Variants in MICALL2 observed in about 807,000 individuals in gnomAD.
MICALL2 encodes the protein MICAL-like protein 2.
In MICALL2, 111 loss-of-function variants were observed where a neutral mutation model predicts 91.1. The observed-to-expected ratio is 1.22, with a 90% confidence interval of 1.04 to 1.43. The LOEUF is 1.43. Among genes scored for constraint, MICALL2 ranks in the 40% most tolerant of loss-of-function variants. MICALL2 has a pLI of 0.00. For synonymous variants in MICALL2, 694 were observed against 525.3 expected (o/e 1.32, Z -4.39); for missense variants, 1,556 against 1,236.0 (o/e 1.26, Z -3.88).
In MICALL2 at chr7:1,437,568, C is replaced by G; in HGVS notation, c.2443G>C (p.Glu815Gln). The G allele has an allele frequency of 1.3e-6, 2 of 1,535,144 alleles. No homozygotes were observed. The highest frequency in any genetic ancestry group is 1.7e-6 in the Non-Finnish European group (2 of 1,145,468). The stretch of plus-strand genomic sequence containing the variant: ...GCCATGAGCCGGCGCAGCTCGCCCT[C>G]GATGTCCAGCTGCTGCTCCTCCAGA... ...QRLEEQQLDI[E>Q]GELRRLMAKP... Residue 815 changes from glutamate to glutamine, a missense_variant, in exon 14 of 17, where the codon GAG becomes CAG. Transcript: ENST00000297508.
At position 1,438,219 on chromosome 7, in the gene MICALL2, A is replaced by T; in HGVS notation, c.2189T>A (p.Leu730Gln). The change falls in exon 12 of 17, where the codon CTG (leucine) becomes CAG (glutamine). Residue 730 changes from leucine (L) to glutamine (Q), a missense_variant and splice_region_variant. Leu to Gln is a moderately radical substitution (Grantham distance 113). Transcript: ENST00000297508. The part of the protein sequence containing the change: ...PGETVTSPVR[L>Q]HPDYLSPEEI... ...CTCCGGGGAGAGGTAGTCGGGGTGCAGCTGGGAACGGAGGGGCGGTGAGGA... is the reference window on the plus strand; with the variant it reads ...CTCCGGGGAGAGGTAGTCGGGGTGCTGCTGGGAACGGAGGGGCGGTGAGGA... 1 of 1,587,940 alleles carries T rather than the reference A, an allele frequency of 6.3e-7. No homozygotes were observed. Among genetic ancestry groups the T allele is most frequent in the Non-Finnish European group, 8.6e-7 (1 of 1,167,290 alleles).
chr7:1,453,815 G>C (rs1251179506), intron 1 of MICALL2, among the ~76,000 whole-genome samples: 1 of 152,212 alleles, frequency 6.6e-6, no homozygotes, highest in Non-Finnish European at 1.5e-5. Context: ...CCGTGGGCCA[G>C]GCACACAGTC....
At position 1,436,734 on chromosome 7, in the gene MICALL2, C is replaced by A; in HGVS notation, c.2591+8G>T. On this transcript the variant is annotated splice_region_variant and intron_variant, in intron 15 of 16. Coordinates refer to ENST00000297508, the MANE Select transcript of MICALL2 (RefSeq NM_182924.4). Reference sequence around the variant, plus strand: ...GGCTGGGAGGGGCCCCCGGCACCTGCCCCTCACCGGAGCCGGTCCTCGTCC... The same window carrying A: ...GGCTGGGAGGGGCCCCCGGCACCTGACCCTCACCGGAGCCGGTCCTCGTCC... The A allele has an allele frequency of 6.3e-7, 1 of 1,597,300 alleles. No individual in the cohort carries two copies. The highest frequency in any genetic ancestry group is 8.5e-7 in the Non-Finnish European group (1 of 1,173,292).
intron 3 of MICALL2, chr7:1,447,992 A>C (rs1780673991): frequency 3.2e-6 from 1 of 317,432 alleles, no homozygotes; most frequent in Non-Finnish European, 5.6e-6. Flanking sequence ...GGGAAAAGGG[A>C]CTTTTCTGTT....
At position 1,437,918 on chromosome 7, in the gene MICALL2, G is replaced by A; in HGVS notation, c.2374C>T (p.Leu792=). The A allele has an allele frequency of 7.1e-6, 11 of 1,549,392 alleles. No homozygotes were observed. Among genetic ancestry groups the A allele is most frequent in the East Asian group, 2.4e-5 (1 of 40,948 alleles). ...FWLIHEKQLL[L]RQESELMYKS... is the part of the protein sequence containing the mutation. ...TACATCAGCTCTGACTCCTGTCTCA[G>A]CAGAAGCTGCTTCTCGTGAATGAGC... The change falls in exon 13 of 17, where the codon CTG becomes TTG. Residue 792 remains leucine (L), a synonymous_variant. Transcript: ENST00000297508.
intron 15 of MICALL2, 96 bp from the exon 16 acceptor site, chr7:1,435,243 G>A: frequency 7.7e-7 from 1 of 1,302,660 alleles, no homozygotes. Context: ...CCCCAGCCCT[G>A]AGTCCCGCCT....
intron 16 of MICALL2, 138 bp downstream of exon 16, chr7:1,434,963 C>T: frequency 1.0e-6 from 1 of 968,672 alleles, no homozygotes. Context: ...GTCACCAAGG[C>T]TGAGGGGGGG....
At chr7:1,440,132 C>T (rs771580877) in intron 8 of MICALL2, 47 bp from the exon 9 acceptor site, 1 of 1,559,000 alleles carries the variant, frequency 6.4e-7, no homozygotes, top group African/African-American at 1.4e-5. Context: ...AGCCCCAGGG[C>T]CTGGCCCACC....
Position 1,438,187 on chromosome 7 carries a change from G to C in MICALL2, c.2221C>G (p.Gln741Glu). The C allele has an allele frequency of 2.5e-6, 4 of 1,576,706 alleles. No homozygotes were observed. The highest frequency in any genetic ancestry group is 3.4e-6 in the Non-Finnish European group (4 of 1,161,052). Residue 741 changes from glutamine (Q) to glutamate (E), a missense_variant, in exon 12 of 17, where the codon CAG (glutamine) becomes GAG (glutamate). Transcript: ENST00000297508. ...CTCTCGATGTCCTGCAGCTGCCTCT[G>C]TATCTCCTCCGGGGAGAGGTAGTCG... The part of the protein sequence containing the change: ...HPDYLSPEEI[Q>E]RQLQDIERRL...
chr7:1,451,409 G>A lies in MICALL2; in HGVS notation c.144-1121C>T, dbSNP rs957022185. ...AAGCCGGGTGCAGTGGCTCACACCT[G>A]TAGTCCCAGCTACTCAGGAGGCCAA... is the stretch of plus-strand genomic sequence containing the variant. On this transcript the variant is annotated intron_variant, in intron 1 of 16. Transcript: ENST00000297508. The surrounding 1 kb of genome is among the most constrained non-coding windows in gnomAD (Gnocchi z 4.5). Among the ~76,000 whole-genome samples, 2 of 152,188 alleles carry A rather than the reference G, an allele frequency of 1.3e-5. No individual in the cohort carries two copies. Among genetic ancestry groups the A allele is most frequent in the African/African-American group, 4.8e-5 (2 of 41,442 alleles).
chr7:1,455,919 C>T (rs1253168156), intron 1 of MICALL2, among the ~76,000 whole-genome samples: 1 of 152,008 alleles, frequency 6.6e-6, no homozygotes, highest in Non-Finnish European at 1.5e-5. Context: ...AGAGTCTGAC[C>T]TCAGAGCTGC....
intron 16 of MICALL2, chr7:1,434,882 G>C: frequency 1.4e-6 from 1 of 711,232 alleles, no homozygotes; most frequent in East Asian, 2.7e-5. Context: ...TGACCACACG[G>C]TCACCAGCTG....
At position 1,439,992 on chromosome 7, in the gene MICALL2, G is replaced by A. The variant is rs1780202379; in HGVS notation, c.1899C>T (p.His633=). ...CAGGCCTCACGGGGGTCAGGGTGAT[G>A]TGGACACTCCCAGCAAAGCTGCCTG... ...KVSGSFAGSV[H]ITLTPVRPDR... The change falls in exon 9 of 17, where the codon CAC becomes CAT. Residue 633 remains histidine, a synonymous_variant. Transcript: ENST00000297508. 1 of 1,547,230 alleles carries A rather than the reference G, an allele frequency of 6.5e-7. No homozygotes were observed. Among genetic ancestry groups the A allele is most frequent in the Non-Finnish European group, 8.6e-7 (1 of 1,158,412 alleles).
In MICALL2 at chr7:1,446,529, G is replaced by A. The variant is rs1168842606; in HGVS notation, c.641+184C>T. 5 of 556,590 alleles carry A rather than the reference G, an allele frequency of 9.0e-6. 1 individual carries two copies. The highest frequency in any genetic ancestry group is 3.8e-5 in the South Asian group (2 of 52,116). The allele number at this position is 556,590 out of a possible 1,614,324, so 34.5% of individuals were successfully genotyped here. ...AGTGAAAGGGAGAAGAGGGAGAAGG[G>A]GAGGAGAGGGGAGGAGGCGGGAGGA... On this transcript the variant is annotated intron_variant, in intron 5 of 16. Coordinates refer to ENST00000297508, the MANE Select transcript of MICALL2 (RefSeq NM_182924.4).
intron 14 of MICALL2, chr7:1,437,292 T>G (rs990896491): frequency 8.0e-6 from 4 of 501,536 alleles, no homozygotes; most frequent in African/African-American, 4.2e-5. Flanking sequence ...CTGCGTGAGG[T>G]GGGTGCTACA....
intron 1 of MICALL2, among the ~76,000 whole-genome samples, chr7:1,458,815 C>A (rs1222166982): frequency 4.6e-5 from 7 of 152,244 alleles, no homozygotes; most frequent in Non-Finnish European, 1.5e-5. Flanking sequence ...CGAGGGCTAT[C>A]CAGGGACCCC....
Position 1,437,985 on chromosome 7 carries a change from G to C in MICALL2, c.2312-5C>G. 1.3e-6 allele frequency: 2 copies of C among 1,550,934 alleles called. No individual in the cohort carries two copies. The highest frequency in any genetic ancestry group is 1.7e-6 in the Non-Finnish European group (2 of 1,147,690). ...TGAGGCTATCCTCAGCGTCATCTGG[G>C]GAGAGGAGCCAGCTGGGGCAGGGGG... On this transcript the variant is annotated splice_polypyrimidine_tract_variant and splice_region_variant and intron_variant, in intron 12 of 16. Transcript: ENST00000297508.
chr7:1,449,441 C>T (rs1192458696), intron 2 of MICALL2, among the ~76,000 whole-genome samples: 2 of 152,248 alleles, frequency 1.3e-5, no homozygotes, highest in East Asian at 1.9e-4. Flanking sequence ...TCCTGAATAG[C>T]TGGGATTACA....
chr7:1,445,872 CTTGT>C (rs1231027655), intron 5 of MICALL2, among the ~76,000 whole-genome samples: 1 of 151,924 alleles, frequency 6.6e-6, no homozygotes, highest in East Asian at 2.0e-4. Flanking sequence ...GGGAACAGCG[CTTGT>C]TTCCTAGGAG....
Sources: gnomAD v4.1 joint callset for allele counts (sites outside exome capture counted in the v4.1 genomes callset) on GRCh38, gnomAD v4.1.1 for gene constraint, Gnocchi (gnomAD v3.1) non-coding constraint, MANE v1.5 for transcripts, NCBI Gene and HGNC (gene_info 2026-07-23, HGNC 2026-07-21) for gene names.